Variants in TMEM163 observed in about 807,000 individuals in gnomAD.
TMEM163 encodes transmembrane protein 163.
TMEM163 carries 17 observed loss-of-function variants against 29.3 expected under a neutral mutation model. The ratio of observed to expected loss-of-function variants is 0.58; its 90% CI spans 0.40 to 0.87. The LOEUF is 0.87. Ranked by LOEUF, TMEM163 falls within the 40% of genes least tolerant of loss-of-function variation. TMEM163 has a pLI of 0.00. For missense variants in TMEM163, 303 were observed against 381.5 expected, an observed-to-expected ratio of 0.79 and a Z score of 1.71; for synonymous variants, 157 against 160.6, an observed-to-expected ratio of 0.98 and a Z score of 0.17.
chr2:134,568,486 A>T (rs1437730610), intron 2 of TMEM163, among the ~76,000 whole-genome samples: 2 of 151,942 alleles, frequency 1.3e-5, no homozygotes, highest in African/African-American at 4.8e-5. Flanking sequence ...GAGATAGCAC[A>T]CTGCACTCCA....
intron 2 of TMEM163, among the ~76,000 whole-genome samples, chr2:134,621,077 T>C (rs1682720054): frequency 6.6e-6 from 1 of 151,968 alleles, no homozygotes; most frequent in African/African-American, 2.4e-5. Flanking sequence ...GCAAATCATA[T>C]TTCTGATAAA....
intron 2 of TMEM163, among the ~76,000 whole-genome samples, chr2:134,571,155 G>A (rs149005098): frequency 1.1e-4 from 17 of 152,276 alleles, no homozygotes; most frequent in Non-Finnish European, 1.9e-4. Flanking sequence ...TCAAATTATA[G>A]ATAGCCTCAG....
At chr2:134,532,687 T>C (rs1486017946) in intron 4 of TMEM163, among the ~76,000 whole-genome samples, 2 of 152,314 alleles carry the variant, frequency 1.3e-5, no homozygotes, top group Admixed American at 6.5e-5. Flanking sequence ...ACTCATGATA[T>C]TGGGAAAAGC....
intron 2 of TMEM163, among the ~76,000 whole-genome samples, chr2:134,698,843 C>T (rs1684633201): frequency 6.6e-6 from 1 of 152,188 alleles, no homozygotes; most frequent in South Asian, 2.1e-4. Context: ...GTAAAATGCA[C>T]ATCCTTAGGA....
intron 4 of TMEM163, among the ~76,000 whole-genome samples, chr2:134,543,073 T>C (rs1680712015): frequency 6.6e-6 from 1 of 152,222 alleles, no homozygotes; most frequent in African/African-American, 2.4e-5. Context: ...TCTTCCGTAC[T>C]GGGGGACAAG....
At chr2:134,532,711 C>T (rs1285393932) in intron 4 of TMEM163, among the ~76,000 whole-genome samples, 1 of 152,164 alleles carries the variant, frequency 6.6e-6, no homozygotes. Flanking sequence ...CTAATACAGA[C>T]CTGCAGCTGT....
intron 2 of TMEM163, among the ~76,000 whole-genome samples, chr2:134,684,784 G>A (rs1004660130): frequency 6.6e-6 from 1 of 152,010 alleles, no homozygotes; most frequent in Non-Finnish European, 1.5e-5. Flanking sequence ...ATTTGCCAGT[G>A]TGGTGGTGGG....
intron 2 of TMEM163, among the ~76,000 whole-genome samples, chr2:134,606,116 A>G (rs1045019962): frequency 6.6e-5 from 10 of 152,170 alleles, no homozygotes; most frequent in Non-Finnish European, 1.2e-4. Flanking sequence ...GGTAACTTAA[A>G]ATATGTGTTT....
At chr2:134,559,730 C>T (rs1240958703) in intron 2 of TMEM163, among the ~76,000 whole-genome samples, 1 of 152,130 alleles carries the variant, frequency 6.6e-6, no homozygotes, top group Non-Finnish European at 1.5e-5. Context: ...ACCTATAAAA[C>T]CCACAAAAAT....
chr2:134,609,773 A>G (rs1299950219), intron 2 of TMEM163, among the ~76,000 whole-genome samples: 114 of 74,564 alleles, frequency 1.5e-3, no homozygotes, highest in African/African-American at 6.6e-3. Context: ...CGAGAACTGT[A>G]CTGGTGAAAA....
At chr2:134,547,782 CTG>C (rs552095195) in intron 4 of TMEM163, among the ~76,000 whole-genome samples, 91 of 152,322 alleles carry the variant, frequency 6.0e-4, no homozygotes, top group African/African-American at 2.1e-3. Context: ...AGCAACTCCT[CTG>C]TGAGTTTTTG....
chr2:134,520,033 G>A (rs1387670497), intron 4 of TMEM163, among the ~76,000 whole-genome samples: 8 of 152,124 alleles, frequency 5.3e-5, no homozygotes. Context: ...GAGCTCTCAT[G>A]CCAACATAAA....
chr2:134,647,158 A>T (rs1044188825), intron 2 of TMEM163, among the ~76,000 whole-genome samples: 1 of 152,202 alleles, frequency 6.6e-6, no homozygotes, highest in African/African-American at 2.4e-5. Flanking sequence ...AAGAGTCCCA[A>T]TATCCTCTAC....
At chr2:134,716,330 C>T (rs1373764031) in intron 1 of TMEM163, among the ~76,000 whole-genome samples, 1 of 152,218 alleles carries the variant, frequency 6.6e-6, no homozygotes, top group Non-Finnish European at 1.5e-5. Context: ...GATGGCACTG[C>T]AGTTACTGAC....
rs187850637 is a variant in TMEM163, at chr2:134,521,450, G to C, written c.459-18453C>G. 9.3e-4 allele frequency among the ~76,000 whole-genome samples: 142 copies of C among 152,318 alleles called. No individual in the cohort carries two copies. The East Asian group carries it at 0.022, about 24-fold the overall frequency. On this transcript the variant is annotated intron_variant, in intron 4 of 7. Transcript: ENST00000281924. The stretch of plus-strand genomic sequence containing the variant: ...GGCAAGGGTGCTACTGGCCTCTGGT[G>C]AGTAGAGCTCAGGGATGCTGCGATG...
rs768141030 is a variant in TMEM163 at position 134,502,882 on chromosome 2, GGAA to G, written c.555+16_555+18del. 8.7e-6 allele frequency: 14 copies of G among 1,610,570 alleles called. No individual in the cohort carries two copies. The highest frequency in any genetic ancestry group is 1.2e-5 in the Non-Finnish European group (14 of 1,177,856). ...CAGCGCTGGCAGGAAGGATTGTTAAGGAAGAAGAAGGACCTTACCACTTCTGGG... is the reference window on the plus strand; with the variant it reads ...CAGCGCTGGCAGGAAGGATTGTTAAGGAAGAAGGACCTTACCACTTCTGGG... On this transcript the variant is annotated intron_variant, in intron 5 of 7. Transcript: ENST00000281924.
rs527489808 is a variant in TMEM163, at chr2:134,516,674, C to T, written c.459-13677G>A. 2.9e-3 allele frequency among the ~76,000 whole-genome samples: 405 copies of T among 141,946 alleles called. 4 individuals carry two copies. The highest frequency in any genetic ancestry group is 0.02 in the Middle Eastern group (5 of 254). 93.1% of individuals were successfully genotyped at this position (141,946 alleles called of 152,430 possible). On this transcript the variant is annotated intron_variant, in intron 4 of 7. Coordinates refer to ENST00000281924, the MANE Select transcript of TMEM163 (RefSeq NM_030923.5). ...TCATACATATATTCATACATATAGT[C>T]ATACATATATGCATATATATGCATA...
chr2:134,588,695 C>G (rs1317082376), intron 2 of TMEM163, among the ~76,000 whole-genome samples: 11 of 152,186 alleles, frequency 7.2e-5, no homozygotes, highest in Non-Finnish European at 8.8e-5. Context: ...TGCATGGACC[C>G]TGACCCCTAC....
chr2:134,673,344 C>T (rs1225481292), intron 2 of TMEM163, among the ~76,000 whole-genome samples: 1 of 152,180 alleles, frequency 6.6e-6, no homozygotes, highest in East Asian at 1.9e-4. Flanking sequence ...TGCAGATCTT[C>T]CAACACTGCA....
Sources: gnomAD v4.1 joint callset for allele counts (sites outside exome capture counted in the v4.1 genomes callset) on GRCh38, gnomAD v4.1.1 for gene constraint, MANE v1.5 for transcripts, NCBI Gene and HGNC (gene_info 2026-07-23, HGNC 2026-07-21) for gene names.